LSMEM1: variants seen among roughly 807,000 people sequenced by gnomAD.
LSMEM1 encodes leucine-rich single-pass membrane protein 1.
Under a neutral mutation model 11.3 loss-of-function variants are expected in LSMEM1, and 10 were observed. That is an observed-to-expected ratio of 0.89 (90% CI 0.55 to 1.50). The LOEUF (loss-of-function observed/expected upper bound fraction) is 1.50. Ranked by LOEUF, LSMEM1 falls within the 40% of genes most tolerant of loss-of-function variation. LSMEM1 has a pLI of 0.00. For synonymous variants in LSMEM1, 65 were observed against 59.3 expected (o/e 1.10, Z -0.44); for missense variants, 151 against 152.9 (o/e 0.99, Z 0.06).
intron 1 of LSMEM1, among the ~76,000 whole-genome samples, chr7:112,481,995 C>G (rs1796040921): frequency 6.6e-6 from 1 of 152,206 alleles, no homozygotes; most frequent in African/African-American, 2.4e-5. Flanking sequence ...CCAAAGATAG[C>G]AACTACTGGG....
At chr7:112,489,662 A>C (rs3095033) in intron 3 of LSMEM1, 148 bp from the exon 4 acceptor site, 649,470 of 816,810 alleles carry the variant, frequency 0.8, 266,720 homozygotes, top group African/African-American at 0.92. Flanking sequence ...CAGTTTCTCT[A>C]CTGGGCTTCT....
chr7:112,487,201 A>G (rs1796150336), intron 3 of LSMEM1, 150 bp downstream of exon 3: 1 of 810,580 alleles, frequency 1.2e-6, no homozygotes, highest in African/African-American at 1.8e-5. Context: ...TTGAGTGAAC[A>G]CCACTGGCTG....
At chr7:112,489,399 T>C (rs969816779) in intron 3 of LSMEM1, among the ~76,000 whole-genome samples, 5 of 152,216 alleles carry the variant, frequency 3.3e-5, no homozygotes, top group Admixed American at 6.5e-5. Flanking sequence ...AGCAGACTTA[T>C]GTCAAAATAG....
chr7:112,489,766 C>T, intron 3 of LSMEM1, 44 bp from the exon 4 acceptor site: 6 of 1,579,042 alleles, frequency 3.8e-6, no homozygotes, highest in Non-Finnish European at 5.2e-6. Flanking sequence ...TTCAGTGGAA[C>T]ACAGTGGAAA....
chr7:112,489,770 G>A (rs1395520406), intron 3 of LSMEM1, 40 bp from the exon 4 acceptor site: 1 of 1,587,648 alleles, frequency 6.3e-7, no homozygotes, highest in South Asian at 1.2e-5. Flanking sequence ...GTGGAACACA[G>A]TGGAAACCAA....
At chr7:112,480,334 C>T (rs574348213), upstream of LSMEM1, among the ~76,000 whole-genome samples, 73 of 152,266 alleles carry the variant, frequency 4.8e-4, no homozygotes, top group Non-Finnish European at 7.9e-4. Context: ...CATGCCACTG[C>T]GCTCCAGCCT....
intron 1 of LSMEM1, among the ~76,000 whole-genome samples, chr7:112,482,748 T>G (rs759504137): frequency 1.3e-5 from 2 of 152,214 alleles, no homozygotes; most frequent in Non-Finnish European, 2.9e-5. Flanking sequence ...GCCCTTTTAC[T>G]CTATTTGCTG....
chr7:112,489,330 T>A (rs978304118), intron 3 of LSMEM1, among the ~76,000 whole-genome samples: 2 of 152,228 alleles, frequency 1.3e-5, no homozygotes, highest in Non-Finnish European at 2.9e-5. Context: ...TCTTCCATTC[T>A]AATGGGTGGT....
At chr7:112,484,019 G>A (rs915003112) in intron 1 of LSMEM1, among the ~76,000 whole-genome samples, 2 of 152,196 alleles carry the variant, frequency 1.3e-5, no homozygotes, top group Non-Finnish European at 2.9e-5. Context: ...GATTTTCAGT[G>A]TTGCTTGCAG....
intron 1 of LSMEM1, among the ~76,000 whole-genome samples, chr7:112,484,114 A>T (rs1220390705): frequency 6.6e-6 from 1 of 152,240 alleles, no homozygotes; most frequent in African/African-American, 2.4e-5. Context: ...AGGGAAACCC[A>T]GGTGGAAGAG....
rs1408306222 is a variant in LSMEM1, at chr7:112,486,273, T to C, written c.128-650T>C. On this transcript the variant is annotated intron_variant, in intron 2 of 3. Transcript: ENST00000312849. ...CCTGGGTTACTTTGGGAAAGGGTAA[T>C]AGAACTTCTATCACTCTTAGCCTTT... The C allele has an allele frequency of 2.2e-5, 8 of 367,264 alleles. No homozygotes were observed. In the Admixed American group the frequency reaches 2.4e-4, roughly 11 times the overall value. 22.8% of individuals were successfully genotyped at this position (367,264 alleles called of 1,614,324 possible). A position where few individuals can be genotyped will look rare whatever the true frequency, so the allele number is the denominator to read the frequency against.
chr7:112,486,240 G>A, intron 2 of LSMEM1: 1 of 285,498 alleles, frequency 3.5e-6, no homozygotes, highest in South Asian at 3.1e-5. Flanking sequence ...AACCAGCTCT[G>A]TTTTACTCCT....
rs760065924 is a variant in LSMEM1 at position 112,489,901 on chromosome 7, C to T, written c.348C>T (p.Ile116=). The T allele has an allele frequency of 1.4e-5, 23 of 1,613,942 alleles. No individual in the cohort carries two copies. The highest frequency in any genetic ancestry group is 1.1e-4 in the East Asian group (5 of 44,894). The change falls in exon 4 of 4, where the codon ATC becomes ATT. Residue 116 remains isoleucine (I), a synonymous_variant. Coordinates refer to ENST00000312849, the MANE Select transcript of LSMEM1 (RefSeq NM_182597.3). Reference sequence around the variant, plus strand: ...ATCTTAAGAGAATCAATAACATGATCGTAAAGCGACTCAACCAACTCAACC... The same window carrying T: ...ATCTTAAGAGAATCAATAACATGATTGTAAAGCGACTCAACCAACTCAACC... ...IDDLKRINNM[I]VKRLNQLNQL... is the part of the protein sequence containing the mutation.
intron 1 of LSMEM1, among the ~76,000 whole-genome samples, chr7:112,484,527 G>A (rs1300750254): frequency 6.6e-6 from 1 of 152,222 alleles, no homozygotes; most frequent in African/African-American, 2.4e-5. Flanking sequence ...GGAGAAAAGA[G>A]TGTTTGCAGA....
At chr7:112,481,821 G>T (rs1425713067) in intron 1 of LSMEM1, among the ~76,000 whole-genome samples, 1 of 152,182 alleles carries the variant, frequency 6.6e-6, no homozygotes, top group African/African-American at 2.4e-5. Flanking sequence ...CAAGGTATAA[G>T]AAAGGGTTCT....
chr7:112,489,687 T>C, intron 3 of LSMEM1, 123 bp from the exon 4 acceptor site: 1 of 1,114,292 alleles, frequency 9.0e-7, no homozygotes, highest in Non-Finnish European at 1.3e-6. Context: ...TGCATGGATA[T>C]GGGAACAGGG....
intron 1 of LSMEM1, 111 bp from the exon 2 acceptor site, chr7:112,484,701 A>C (rs1183733609): frequency 1.8e-6 from 2 of 1,081,498 alleles, no homozygotes; most frequent in East Asian, 2.7e-5. Flanking sequence ...TGAAAATACT[A>C]TTTGTGGGTG....
chr7:112,486,805 CAGAG>C, intron 2 of LSMEM1, 114 bp from the exon 3 acceptor site: 1 of 1,390,240 alleles, frequency 7.2e-7, no homozygotes, highest in Non-Finnish European at 9.7e-7. Flanking sequence ...CTAGGCTTGT[CAGAG>C]AGAAAGTGGG....
At chr7:112,488,749 G>A (rs10280352) in intron 3 of LSMEM1, among the ~76,000 whole-genome samples, 7,057 of 151,976 alleles carry the variant, frequency 0.046, 487 homozygotes, top group African/African-American at 0.15. Context: ...GGTGTGAGCC[G>A]CCATGCCCAG....
Sources: gnomAD v4.1 joint callset for allele counts (sites outside exome capture counted in the v4.1 genomes callset) on GRCh38, gnomAD v4.1.1 for gene constraint, MANE v1.5 for transcripts, NCBI Gene and HGNC (gene_info 2026-07-23, HGNC 2026-07-21) for gene names.